The following NXPE2 variants were observed in gnomAD, a reference collection of about 807,000 sequenced individuals.
The protein encoded by NXPE2 is neurexophilin and PC-esterase domain family member 2, also known as NXPE family member 2.
In NXPE2, 34 loss-of-function variants were observed where a neutral mutation model predicts 34.4. That is an observed-to-expected ratio of 0.99 (90% confidence interval 0.75 to 1.31). The LOEUF (loss-of-function observed/expected upper bound fraction) is 1.31, where lower values mean the gene tolerates loss of function less well. Ranked by LOEUF, NXPE2 falls within the 40% of genes most tolerant of loss-of-function variation. NXPE2 has a pLI of 0.00. For synonymous variants in NXPE2, 235 were observed against 231.3 expected (o/e 1.02, Z -0.15); for missense variants, 649 against 672.5 (o/e 0.97, Z 0.39).
At chr11:114,791,048 G>A in the NXPE2 span, among the ~76,000 whole-genome samples, 2 of 151,884 alleles carry the variant, frequency 1.3e-5, no homozygotes, top group South Asian at 2.1e-4. Flanking sequence ...AGGTGGCAGA[G>A]AGAACAAACC....
chr11:114,580,357 G>A, the NXPE2 span: 3 of 1,606,312 alleles, frequency 1.9e-6, no homozygotes, highest in African/African-American at 1.3e-5. Flanking sequence ...GAATCAATGA[G>A]ATAGGATCTT....
the NXPE2 span, among the ~76,000 whole-genome samples, chr11:114,557,892 A>T: frequency 2.5e-3 from 381 of 151,852 alleles, 4 homozygotes; most frequent in Middle Eastern, 0.01. Context: ...ACAATTCTAG[A>T]TTGACAAGTG....
At chr11:114,628,230 A>C in the NXPE2 span, among the ~76,000 whole-genome samples, 1 of 143,244 alleles carries the variant, frequency 7.0e-6, no homozygotes, top group African/African-American at 2.7e-5. Flanking sequence ...TTTTTCAGCA[A>C]CATACCACAC....
chr11:114,740,121 A>G, the NXPE2 span, among the ~76,000 whole-genome samples: 3 of 152,332 alleles, frequency 2.0e-5, no homozygotes, highest in East Asian at 5.8e-4. Flanking sequence ...ATCGAGAGCA[A>G]TAACTAAGAA....
At chr11:114,631,650 G>T in the NXPE2 span, among the ~76,000 whole-genome samples, 1 of 151,860 alleles carries the variant, frequency 6.6e-6, no homozygotes, top group Non-Finnish European at 1.5e-5. Flanking sequence ...TTGTGCACAG[G>T]TACCCTAAAA....
the NXPE2 span, among the ~76,000 whole-genome samples, chr11:114,650,259 A>C: frequency 3.3e-5 from 5 of 152,202 alleles, no homozygotes; most frequent in Admixed American, 6.5e-5. Context: ...TATAAAAAGG[A>C]AAGAAGAATC....
chr11:114,571,608 G>A, the NXPE2 span: 2 of 858,764 alleles, frequency 2.3e-6, no homozygotes, highest in Non-Finnish European at 3.5e-6. Flanking sequence ...GTTTAGATGA[G>A]GGGATGTTTT....
the NXPE2 span, chr11:114,583,395 A>C: frequency 4.8e-6 from 3 of 628,960 alleles, no homozygotes; most frequent in Non-Finnish European, 9.1e-6. Context: ...TATGGTTTCT[A>C]CTGAAAAATG....
the NXPE2 span, among the ~76,000 whole-genome samples, chr11:114,796,773 T>A: frequency 6.6e-6 from 1 of 152,058 alleles, no homozygotes; most frequent in South Asian, 2.1e-4. Context: ...AATCCCAACA[T>A]AGAGTGATGA....
chr11:114,510,425 G>A, the NXPE2 span, among the ~76,000 whole-genome samples: 33 of 152,068 alleles, frequency 2.2e-4, no homozygotes, highest in Non-Finnish European at 2.9e-5. Flanking sequence ...TCATAGAGAT[G>A]GGTCTCCCTT....
At chr11:114,533,386 A>T in the NXPE2 span, among the ~76,000 whole-genome samples, 1 of 152,196 alleles carries the variant, frequency 6.6e-6, no homozygotes, top group Admixed American at 6.5e-5. Context: ...TGATTTCTGA[A>T]TTTCCAACTG....
the NXPE2 span, among the ~76,000 whole-genome samples, chr11:114,788,700 G>A: frequency 2.0e-5 from 3 of 152,200 alleles, no homozygotes; most frequent in East Asian, 1.9e-4. Flanking sequence ...AGATGCCTCT[G>A]CAGGCTCTGG....
the NXPE2 span, among the ~76,000 whole-genome samples, chr11:114,579,716 T>TGTAA: frequency 6.6e-6 from 1 of 152,242 alleles, no homozygotes; most frequent in African/African-American, 2.4e-5. Flanking sequence ...GGAATGGTTA[T>TGTAA]GTAACTTGTT....
chr11:114,497,144 G>C, the NXPE2 span, among the ~76,000 whole-genome samples: 1 of 152,114 alleles, frequency 6.6e-6, no homozygotes, highest in Non-Finnish European at 1.5e-5. Context: ...GCACCTCACT[G>C]TCAGACAGGA....
At chr11:114,473,733 A>G in the NXPE2 span, among the ~76,000 whole-genome samples, 1 of 152,344 alleles carries the variant, frequency 6.6e-6, no homozygotes, top group East Asian at 1.9e-4. Flanking sequence ...ATATTTTGGA[A>G]TCCTTGAGGA....
At chr11:114,632,121 T>C in the NXPE2 span, among the ~76,000 whole-genome samples, 1 of 144,098 alleles carries the variant, frequency 6.9e-6, no homozygotes, top group Non-Finnish European at 1.5e-5. Flanking sequence ...AATTATATAT[T>C]ATAATAAAAT....
At chr11:114,708,909 GTTTTCTT>G (rs1859555491), downstream of NXPE2, among the ~76,000 whole-genome samples, 1 of 152,162 alleles carries the variant, frequency 6.6e-6, no homozygotes, top group South Asian at 2.1e-4. Flanking sequence ...ATAGTTTCTA[GTTTTCTT>G]ACCTTCTCTT....
At chr11:114,786,065 T>C in the NXPE2 span, among the ~76,000 whole-genome samples, 3 of 152,160 alleles carry the variant, frequency 2.0e-5, no homozygotes, top group Non-Finnish European at 4.4e-5. Flanking sequence ...TGTGAATGTA[T>C]GTTGTGGTGC....
At chr11:114,678,648 G>A in intron 1 of NXPE2, 47 bp downstream of exon 1, 2 of 1,459,192 alleles carry the variant, frequency 1.4e-6, no homozygotes, top group Non-Finnish European at 1.9e-6. Context: ...TCAGGGAAGG[G>A]AGGGGAGAAC....
Sources: allele counts gnomAD v4.1 joint callset (sites outside exome capture counted in the v4.1 genomes callset), GRCh38; gene constraint gnomAD v4.1.1; transcripts MANE v1.5; gene names NCBI Gene and HGNC (gene_info 2026-07-23, HGNC 2026-07-21).